Variants in ZFHX3 observed in about 807,000 individuals in gnomAD.
The protein encoded by ZFHX3 is zinc finger homeobox 3, also known as zinc finger homeobox protein 3.
In ZFHX3, 42 loss-of-function variants were observed where a neutral mutation model predicts 279.1. The observed-to-expected ratio is 0.15, with a 90% CI of 0.12 to 0.19. ZFHX3 has a LOEUF of 0.19. Among genes scored for constraint, ZFHX3 ranks in the 10% least tolerant of loss-of-function variants. The pLI is 1.00. For synonymous variants in ZFHX3, 2,293 were observed against 1,957.8 expected, an observed-to-expected ratio of 1.17 and a Z score of -4.52; for missense variants, 4,981 against 4,754.0, an observed-to-expected ratio of 1.05 and a Z score of -1.40.
chr16:73,545,424 C>T (rs1370038294), intron 2 of ZFHX3, among the ~76,000 whole-genome samples: 1 of 152,126 alleles, frequency 6.6e-6, no homozygotes, highest in Non-Finnish European at 1.5e-5. Context: ...CTCCTGGCTT[C>T]GGCGTCTCTC....
intron 5 of ZFHX3, among the ~76,000 whole-genome samples, chr16:73,218,238 A>G (rs1278658158): frequency 6.6e-6 from 1 of 152,194 alleles, no homozygotes; most frequent in Non-Finnish European, 1.5e-5. Context: ...TAAATAAGAA[A>G]AAGGAAACTC....
chr16:73,109,443 T>C (rs1162205602), intron 7 of ZFHX3, among the ~76,000 whole-genome samples: 2 of 152,176 alleles, frequency 1.3e-5, no homozygotes, highest in African/African-American at 4.8e-5. Flanking sequence ...CGTTTCTTGG[T>C]ATCACAAATA....
In ZFHX3 at chr16:73,091,715, A is replaced by G. The variant is rs148502032; in HGVS notation, c.-533+1520T>C. On this transcript the variant is annotated intron_variant, in intron 8 of 17. Coordinates refer to the ZFHX3 transcript ENST00000641206. ...AAAGAGTTTGTCGAGCTGAGTCTTC[A>G]TTCAGAAATTCGCAAAATATAGCAT... Among the ~76,000 whole-genome samples the G allele has an allele frequency of 9.7e-4, 147 of 152,328 alleles. 1 individual carries two copies. Among genetic ancestry groups the G allele is most frequent in the Admixed American group, 8.4e-3 (129 of 15,300 alleles).
At chr16:73,118,991 G>C (rs1393251491) in intron 7 of ZFHX3, among the ~76,000 whole-genome samples, 1 of 152,120 alleles carries the variant, frequency 6.6e-6, no homozygotes, top group Non-Finnish European at 1.5e-5. Flanking sequence ...TTATTTCCCT[G>C]ATTACAGTCA....
chr16:73,776,630 G>A (rs1959253742), intron 1 of ZFHX3, among the ~76,000 whole-genome samples: 2 of 152,108 alleles, frequency 1.3e-5, no homozygotes, highest in South Asian at 2.1e-4. Flanking sequence ...GCTCGAATGC[G>A]GCTCTCACAC....
chr16:72,803,829 A>AT (rs1476435391), intron 7 of ZFHX3, among the ~76,000 whole-genome samples: 1 of 152,242 alleles, frequency 6.6e-6, no homozygotes, highest in Non-Finnish European at 1.5e-5. Flanking sequence ...AATTCAACTG[A>AT]TTACAGCCAT....
At chr16:72,912,876 C>A (rs947090752) in intron 3 of ZFHX3, among the ~76,000 whole-genome samples, 2 of 152,068 alleles carry the variant, frequency 1.3e-5, no homozygotes, top group African/African-American at 4.8e-5. Flanking sequence ...AAGCACACAC[C>A]ACCACACCTG....
chr16:73,764,357 A>G (rs1223707948), intron 1 of ZFHX3, among the ~76,000 whole-genome samples: 3 of 152,102 alleles, frequency 2.0e-5, no homozygotes, highest in African/African-American at 7.2e-5. Flanking sequence ...TAAAATTAAT[A>G]TATAAATAAA....
At chr16:72,867,961 C>T (rs1006572932) in intron 4 of ZFHX3, among the ~76,000 whole-genome samples, 16 of 152,104 alleles carry the variant, frequency 1.1e-4, no homozygotes, top group African/African-American at 3.6e-4. Context: ...GACAAGATGG[C>T]GCCCAAGGAA....
intron 8 of ZFHX3, among the ~76,000 whole-genome samples, chr16:73,066,007 C>T (rs1049621691): frequency 6.6e-6 from 1 of 152,186 alleles, no homozygotes; most frequent in Non-Finnish European, 1.5e-5. Context: ...GCCCCACGGC[C>T]GGCAGGAGTC....
intron 3 of ZFHX3, among the ~76,000 whole-genome samples, chr16:73,428,782 T>C (rs1048182519): frequency 4.6e-5 from 7 of 152,228 alleles, no homozygotes; most frequent in African/African-American, 1.7e-4. Context: ...TGCTCAGGAG[T>C]TGAATCCAAT....
At chr16:72,832,397 C>T (rs562965547) in intron 4 of ZFHX3, among the ~76,000 whole-genome samples, 31 of 152,192 alleles carry the variant, frequency 2.0e-4, no homozygotes, top group Admixed American at 1.6e-3. Flanking sequence ...TTCTTCCCTC[C>T]CTGCCCTACT....
intron 2 of ZFHX3, among the ~76,000 whole-genome samples, chr16:73,610,954 T>C (rs2052238714): frequency 6.6e-6 from 1 of 152,154 alleles, no homozygotes; most frequent in South Asian, 2.1e-4. Flanking sequence ...GAGACAAGCT[T>C]TCTCTTGCAC....
intron 1 of ZFHX3, among the ~76,000 whole-genome samples, chr16:73,689,802 AGTTTTTT>A (rs2053128312): frequency 6.7e-6 from 1 of 150,358 alleles, no homozygotes; most frequent in Non-Finnish European, 1.5e-5. Flanking sequence ...GAGGACATAC[AGTTTTTT>A]GTTTTTTGTT....
intron 4 of ZFHX3, among the ~76,000 whole-genome samples, chr16:72,889,235 T>A (rs1279934000): frequency 6.6e-6 from 1 of 152,102 alleles, no homozygotes; most frequent in Non-Finnish European, 1.5e-5. Context: ...CAAGCACTTA[T>A]TTTATTCCTC....
intron 5 of ZFHX3, chr16:72,829,569 AC>A (rs1185640794): frequency 1.9e-6 from 1 of 521,760 alleles, no homozygotes; most frequent in African/African-American, 1.9e-5. Context: ...ACCATTAAAA[AC>A]TACAGTATAA....
chr16:72,924,184 A>C (rs961338718), intron 3 of ZFHX3, among the ~76,000 whole-genome samples: 6 of 152,148 alleles, frequency 3.9e-5, no homozygotes, highest in Non-Finnish European at 7.4e-5. Flanking sequence ...AAAACAATTC[A>C]CTTTGTATTA....
At chr16:73,244,141 T>C (rs2013210925) in intron 5 of ZFHX3, among the ~76,000 whole-genome samples, 1 of 152,140 alleles carries the variant, frequency 6.6e-6, no homozygotes, top group East Asian at 1.9e-4. Context: ...AGTTTGGCCT[T>C]TGCAAGGATG....
At chr16:73,436,065 C>G (rs1412917537) in intron 3 of ZFHX3, among the ~76,000 whole-genome samples, 1 of 152,250 alleles carries the variant, frequency 6.6e-6, no homozygotes, top group East Asian at 1.9e-4. Flanking sequence ...CGCGGTGGCT[C>G]ACGCCTGTAA....
Sources: allele counts gnomAD v4.1 joint callset (sites outside exome capture counted in the v4.1 genomes callset), GRCh38; gene constraint gnomAD v4.1.1; transcripts MANE v1.5; gene names NCBI Gene and HGNC (gene_info 2026-07-23, HGNC 2026-07-21).